The following DNAH14 variants were observed in gnomAD, a reference collection of about 807,000 sequenced individuals.
The protein encoded by DNAH14 is dynein axonemal heavy chain 14.
In DNAH14, 478 loss-of-function variants were observed where a neutral mutation model predicts 520.9. The ratio of observed to expected loss-of-function variants is 0.92; its 90% confidence interval spans 0.85 to 0.99. The LOEUF (loss-of-function observed/expected upper bound fraction) is 0.99. Among genes scored for constraint, DNAH14 ranks in the 50% least tolerant of loss-of-function variants. DNAH14 has a pLI of 0.00. For missense variants in DNAH14, 4,831 were observed against 5,234.5 expected (o/e 0.92, Z 2.38); for synonymous variants, 1,581 against 1,757.2 (o/e 0.90, Z 2.51).
In DNAH14 at chr1:225,051,730, G is replaced by A. The variant is rs779319833; in HGVS notation, c.2359G>A (p.Val787Ile). ...AGAATGCTTACTGTATATTGACAACGTCATACATATGAGCCACACCCTCAT... is the reference window on the plus strand; with the variant it reads ...AGAATGCTTACTGTATATTGACAACATCATACATATGAGCCACACCCTCAT... ...QSECLLYIDN[V>I]IHMSHTLIQS... is the part of the protein sequence containing the mutation. The change falls in exon 17 of 86, where the codon GTC becomes ATC. Residue 787 changes from valine (V) to isoleucine (I), a missense_variant. By Grantham distance (29) the Val-to-Ile change is conservative (BLOSUM62 3). Transcript: ENST00000682510. 80 of 1,549,960 alleles carry A rather than the reference G, an allele frequency of 5.2e-5. 3 individuals are homozygous for A. The highest frequency in any genetic ancestry group is 4.8e-4 in the South Asian group (40 of 83,706).
intron 41 of DNAH14, among the ~76,000 whole-genome samples, chr1:225,208,295 TA>T (rs925288545): frequency 2.0e-5 from 3 of 148,952 alleles, no homozygotes; most frequent in African/African-American, 5.0e-5. Flanking sequence ...AAGAATCAGT[TA>T]AAAAAAAACA....
intron 5 of DNAH14, among the ~76,000 whole-genome samples, 198 bp from the exon 6 acceptor site, chr1:224,967,233 A>T (rs2061233319): frequency 6.6e-6 from 1 of 152,062 alleles, no homozygotes; most frequent in Non-Finnish European, 1.5e-5. Flanking sequence ...TAAATATATT[A>T]AATCTTTCAT....
chr1:225,348,098 G>A (rs545087919), intron 71 of DNAH14, among the ~76,000 whole-genome samples: 1 of 151,984 alleles, frequency 6.6e-6, no homozygotes, highest in Admixed American at 6.6e-5. Flanking sequence ...TTATTACAGG[G>A]GTTCAACAGC....
chr1:225,144,406 A>G lies in DNAH14; in HGVS notation c.4518A>G (p.Gln1506=). 5 of 1,550,392 alleles carry G rather than the reference A, an allele frequency of 3.2e-6. No homozygotes were observed. The highest frequency in any genetic ancestry group is 4.4e-6 in the Non-Finnish European group (5 of 1,146,064). Residue 1506 remains glutamine (Q), a synonymous_variant, in exon 29 of 86, where the codon CAA becomes CAG. Coordinates refer to ENST00000682510, the MANE Select transcript of DNAH14 (RefSeq NM_001367479.1). The part of the protein sequence containing the change: ...AEDFEWTRHL[Q]YKWNEKQKLC... ...AAAATTTGGCTTTCAGACATTTGCA[A>G]TATAAATGGAATGAAAAACAAAAGT...
chr1:225,252,550 G>C (rs762898147), intron 44 of DNAH14, 133 bp downstream of exon 44: 1 of 563,030 alleles, frequency 1.8e-6, no homozygotes, highest in African/African-American at 1.9e-5. Flanking sequence ...TGTTTGTGTA[G>C]AGACCAGTTT....
chr1:224,967,463 T>C lies in DNAH14; in HGVS notation c.531T>C (p.Tyr177=), dbSNP rs1375706557. The C allele has an allele frequency of 1.3e-6, 2 of 1,575,302 alleles. No homozygotes were observed. The highest frequency in any genetic ancestry group is 2.3e-5 in the East Asian group (1 of 43,344). ...TGGAAGATGATGGAGAATTTGTTTA[T>C]TGCCTTCCTCGGAAAAGTCCTAAAT... ...KPLEDDGEFV[Y]CLPRKSPKSL... is the part of the protein sequence containing the mutation. The change falls in exon 6 of 86, where the codon TAT becomes TAC. Residue 177 remains tyrosine, a synonymous_variant. Transcript: ENST00000682510.
At chr1:225,116,989 AAG>A (rs1182262684) in intron 23 of DNAH14, among the ~76,000 whole-genome samples, 1 of 152,164 alleles carries the variant, frequency 6.6e-6, no homozygotes, top group Non-Finnish European at 1.5e-5. Context: ...AAGGAGAACA[AAG>A]AGAGATGGAG....
At chr1:225,308,150 A>G in intron 59 of DNAH14, 135 bp from the exon 60 acceptor site, 1 of 950,292 alleles carries the variant, frequency 1.1e-6, no homozygotes, top group African/African-American at 1.7e-5. Flanking sequence ...CTCTCATTTT[A>G]TGAATCTATT....
chr1:225,303,581 C>T (rs1390699974), intron 57 of DNAH14, among the ~76,000 whole-genome samples: 2 of 152,204 alleles, frequency 1.3e-5, no homozygotes, highest in Admixed American at 6.5e-5. Flanking sequence ...TGTGTCTCTT[C>T]ACTATGCTGT....
rs1356205938 is a variant in DNAH14, at chr1:225,290,645, GTGTATATATATA to G, written c.8469+565_8469+576del. Among the ~76,000 whole-genome samples the G allele has an allele frequency of 2.3e-3, 93 of 40,582 alleles. 3 individuals are homozygous for G. The highest frequency in any genetic ancestry group is 0.016 in the South Asian group (16 of 1,026). 26.6% of individuals were successfully genotyped at this position (40,582 alleles called of 152,430 possible). On this transcript the variant is annotated intron_variant, in intron 55 of 85. Coordinates refer to ENST00000682510, the MANE Select transcript of DNAH14 (RefSeq NM_001367479.1). Reference sequence around the variant, plus strand: ...TGTATAGATATATGTGTGTGTGTGTGTGTATATATATATATATATATATATATATATATATAT... The same window carrying G: ...TGTATAGATATATGTGTGTGTGTGTGTATATATATATATATATATATATAT...
rs1301017561 is a variant in DNAH14 at position 225,318,716 on chromosome 1, G to GA, written c.9335+46dup. 2.8e-5 allele frequency: 42 copies of GA among 1,506,334 alleles called. 1 individual carries two copies. Among genetic ancestry groups the GA allele is most frequent in the South Asian group, 7.6e-5 (6 of 78,498 alleles). 93.3% of individuals were successfully genotyped at this position (1,506,334 alleles called of 1,614,324 possible). A position where few individuals can be genotyped will look rare whatever the true frequency, so the allele number is the denominator to read the frequency against. Reference sequence around the variant, plus strand: ...GTTTCGTTTGAGTTGGAAAAGCTCAGAAAAAAACATAAATTCATGTTTACT... The same window carrying GA: ...GTTTCGTTTGAGTTGGAAAAGCTCAGAAAAAAAACATAAATTCATGTTTACT... On this transcript the variant is annotated intron_variant, in intron 61 of 85. Transcript: ENST00000682510.
chr1:225,377,853 A>G (rs1291438302), intron 79 of DNAH14, among the ~76,000 whole-genome samples: 1 of 152,154 alleles, frequency 6.6e-6, no homozygotes, highest in Non-Finnish European at 1.5e-5. Context: ...AAGCTTAAAC[A>G]TTTTCAAATA....
At position 225,270,746 on chromosome 1, in the gene DNAH14, T is replaced by A; in HGVS notation, c.7551T>A (p.Asp2517Glu). The change falls in exon 50 of 86, where the codon GAT becomes GAA. Residue 2517 changes from aspartate (D) to glutamate (E), a missense_variant. Physicochemically the swap from Asp to Glu is conservative, Grantham distance 45. Coordinates refer to ENST00000682510, the MANE Select transcript of DNAH14 (RefSeq NM_001367479.1). Reference protein sequence around the residue: ...TEKNTWKNIQDLSIVAACVPV... With the variant: ...TEKNTWKNIQELSIVAACVPV... ...TATCCTTATCACAGAATATTCAAGA[T>A]CTGTCTATAGTTGCAGCTTGTGTTC... is the stretch of plus-strand genomic sequence containing the variant. The A allele has an allele frequency of 6.4e-7, 1 of 1,550,936 alleles. No individual in the cohort carries two copies. The highest frequency in any genetic ancestry group is 8.7e-7 in the Non-Finnish European group (1 of 1,146,630).
rs923304032 is a variant in DNAH14, at chr1:225,080,280, A to G, written c.2767-99A>G. 152 of 1,214,080 alleles carry G rather than the reference A, an allele frequency of 1.3e-4. 1 individual carries two copies. The highest frequency in any genetic ancestry group is 2.2e-4 in the Middle Eastern group (1 of 4,514). The allele number at this position is 1,214,080 out of a possible 1,614,324, so 75.2% of individuals were successfully genotyped here. A position where few individuals can be genotyped will look rare whatever the true frequency, so the allele number is the denominator to read the frequency against. ...TTCCAGTTTCACTCACTTATCAGGT[A>G]AAAGCCTAGATTATATACTAAAATG... On this transcript the variant is annotated intron_variant, in intron 18 of 85. Coordinates refer to ENST00000682510, the MANE Select transcript of DNAH14 (RefSeq NM_001367479.1).
chr1:225,218,321 G>A (rs2089648605), intron 41 of DNAH14, among the ~76,000 whole-genome samples: 2 of 152,156 alleles, frequency 1.3e-5, no homozygotes, highest in African/African-American at 4.8e-5. Context: ...AACCTTAAAT[G>A]TAAATGGGCT....
At chr1:225,010,992 C>A (rs970614632) in intron 10 of DNAH14, among the ~76,000 whole-genome samples, 2 of 150,996 alleles carry the variant, frequency 1.3e-5, no homozygotes. Context: ...CTCTTTTCTT[C>A]TTTATCAGTC....
chr1:225,172,039 A>G (rs1477908251), intron 36 of DNAH14, among the ~76,000 whole-genome samples: 6 of 152,222 alleles, frequency 3.9e-5, no homozygotes, highest in African/African-American at 1.4e-4. Context: ...CAATAGATGC[A>G]GAAAAGGCCT....
intron 17 of DNAH14, among the ~76,000 whole-genome samples, chr1:225,075,991 A>AGCCTGGGTCAATAGATGGGAAG (rs372178554): frequency 6.6e-6 from 1 of 152,006 alleles, no homozygotes; most frequent in Non-Finnish European, 1.5e-5. Context: ...TGGCTGGTCC[A>AGCCTGGGTCAATAGATGGGAAG]GCCTAGGGCC....
Position 225,290,080 on chromosome 1 carries a change from C to A in DNAH14, c.8467C>A (p.Gln2823Lys), listed in dbSNP as rs903136758. 1.5e-5 allele frequency: 21 copies of A among 1,435,376 alleles called. No homozygotes were observed. Among genetic ancestry groups the A allele is most frequent in the Admixed American group, 2.6e-5 (1 of 37,848 alleles). The allele number at this position is 1,435,376 out of a possible 1,614,324, so 88.9% of individuals were successfully genotyped here. Residue 2823 changes from glutamine to lysine, a missense_variant and splice_region_variant, in exon 55 of 86, where the codon CAA becomes AAA. By Grantham distance (53) the Gln-to-Lys change is moderately conservative. Transcript: ENST00000682510. Reference protein sequence around the residue: ...VLMVPNLNIEQDSFLEDLNYI... With the variant: ...VLMVPNLNIEKDSFLEDLNYI... Reference sequence around the variant, plus strand: ...GATGGTTCCCAATTTAAACATAGAACAAGTAAGTACTTTTTGTCTTTGCTA... The same window carrying A: ...GATGGTTCCCAATTTAAACATAGAAAAAGTAAGTACTTTTTGTCTTTGCTA...
Sources: allele counts gnomAD v4.1 joint callset (sites outside exome capture counted in the v4.1 genomes callset), GRCh38; gene constraint gnomAD v4.1.1; transcripts MANE v1.5; gene names NCBI Gene and HGNC (gene_info 2026-07-23, HGNC 2026-07-21).